The following NADK2 variants were observed in gnomAD, a reference collection of about 807,000 sequenced individuals.
NADK2 encodes NAD kinase 2, mitochondrial, also known as NAD kinase domain-containing protein 1, mitochondrial.
NADK2 carries 35 observed loss-of-function variants against 62.1 expected under a neutral mutation model. That is an observed-to-expected ratio of 0.56 (90% confidence interval 0.43 to 0.75). The LOEUF (loss-of-function observed/expected upper bound fraction) is 0.75. Among genes scored for constraint, NADK2 ranks in the 30% least tolerant of loss-of-function variants. The pLI is 0.00. For missense variants in NADK2, 439 were observed against 561.3 expected (o/e 0.78, Z 2.20); for synonymous variants, 205 against 207.9 (o/e 0.99, Z 0.12).
intron 4 of NADK2, among the ~76,000 whole-genome samples, chr5:36,220,499 A>C (rs377623528): frequency 1.2e-4 from 19 of 152,230 alleles, no homozygotes; most frequent in African/African-American, 4.3e-4. Flanking sequence ...AATGTAAATC[A>C]ACTTGTAAGC....
At chr5:36,198,993 C>G (rs1579595154) in intron 10 of NADK2, among the ~76,000 whole-genome samples, 1 of 150,324 alleles carries the variant, frequency 6.7e-6, no homozygotes, top group Non-Finnish European at 1.5e-5. Flanking sequence ...TAGGTGGGAA[C>G]TGAACAATGA....
intron 10 of NADK2, among the ~76,000 whole-genome samples, chr5:36,198,741 A>G (rs1746327563): frequency 6.6e-6 from 1 of 151,582 alleles, no homozygotes; most frequent in Admixed American, 6.6e-5. Flanking sequence ...TTCCTTTGAT[A>G]CAGATTTACT....
chr5:36,200,138 A>T, intron 10 of NADK2, 89 bp downstream of exon 10: 1 of 852,344 alleles, frequency 1.2e-6, no homozygotes, highest in Non-Finnish European at 1.7e-6. Context: ...AAAAAAAAGT[A>T]CTTTGCTAAT....
chr5:36,229,919 C>T (rs575816574), intron 1 of NADK2, among the ~76,000 whole-genome samples: 6 of 151,328 alleles, frequency 4.0e-5, no homozygotes, highest in Non-Finnish European at 4.4e-5. Context: ...GAGTCACAGC[C>T]GATGCCTCCT....
chr5:36,223,201 C>T (rs1343913498), intron 4 of NADK2, among the ~76,000 whole-genome samples: 1 of 151,940 alleles, frequency 6.6e-6, no homozygotes, highest in Non-Finnish European at 1.5e-5. Flanking sequence ...GTAGATTTTA[C>T]CCTAAGTTAG....
intron 1 of NADK2, among the ~76,000 whole-genome samples, chr5:36,229,570 C>T (rs1379581063): frequency 1.3e-5 from 2 of 151,822 alleles, no homozygotes; most frequent in Non-Finnish European, 2.9e-5. Flanking sequence ...ACGGCACTAA[C>T]CACCTCTCAG....
chr5:36,233,955 G>A lies in NADK2; in HGVS notation c.301-6390C>T, dbSNP rs563867982. Among the ~76,000 whole-genome samples, 59 of 152,272 alleles carry A rather than the reference G, an allele frequency of 3.9e-4. 1 individual carries two copies. Among genetic ancestry groups the A allele is most frequent in the South Asian group, 1.2e-3 (6 of 4,824 alleles). On this transcript the variant is annotated intron_variant, in intron 1 of 11. Transcript: ENST00000381937. ...AAAATGTTAAAGTCTACTAAGTGCT[G>A]TTCAGGAACCCACTAAATGCTTATG...
Position 36,241,831 on chromosome 5 carries a change from C to A in NADK2, c.-33G>T, listed in dbSNP as rs1367740039. 1 of 1,267,692 alleles carries A rather than the reference C, an allele frequency of 7.9e-7. No individual in the cohort carries two copies. Among genetic ancestry groups the A allele is most frequent in the Non-Finnish European group, 9.9e-7 (1 of 1,007,974 alleles). The allele number at this position is 1,267,692 out of a possible 1,614,324, so 78.5% of individuals were successfully genotyped here. A position where few individuals can be genotyped will look rare whatever the true frequency, so the allele number is the denominator to read the frequency against. ...CGGGCCGCGGCCGCGGGCTTGGGCT[C>A]GGGCCCCTTGCCTCAGCTCCCTACC... On this transcript the variant is annotated 5_prime_UTR_variant, in exon 1 of 12. Transcript: ENST00000381937. This position sits in a 1 kb window ranked among gnomAD's most constrained non-coding sequence, Gnocchi z 4.9.
intron 8 of NADK2, among the ~76,000 whole-genome samples, chr5:36,203,389 A>G (rs900289686): frequency 3.3e-5 from 5 of 152,064 alleles, no homozygotes; most frequent in African/African-American, 9.7e-5. Flanking sequence ...TTTGAAGCAA[A>G]AAGGACAAAA....
chr5:36,218,162 T>C, intron 5 of NADK2: 1 of 270,946 alleles, frequency 3.7e-6, no homozygotes, highest in South Asian at 6.8e-5. Flanking sequence ...ACCCATAAAG[T>C]CCAAGATACT....
At position 36,207,128 on chromosome 5, in the gene NADK2, G is replaced by A. The variant is rs769564786; in HGVS notation, c.956+42C>T. On this transcript the variant is annotated intron_variant, in intron 8 of 11. Transcript: ENST00000381937. ...GGGCCAAAATATTACATTACTAAAA[G>A]TATTTCACAAAACTTGATAAGCAAC... The A allele has an allele frequency of 2.7e-6, 4 of 1,505,956 alleles. No individual in the cohort carries two copies. The African/African-American group carries it at 5.5e-5, about 21-fold the overall frequency. The allele number at this position is 1,505,956 out of a possible 1,614,324, so 93.3% of individuals were successfully genotyped here.
intron 4 of NADK2, among the ~76,000 whole-genome samples, chr5:36,220,869 C>T (rs991556614): frequency 5.9e-5 from 9 of 152,176 alleles, no homozygotes; most frequent in African/African-American, 2.2e-4. Flanking sequence ...GGCAGGAGGC[C>T]TCAATCACCC....
chr5:36,226,427 A>T, intron 3 of NADK2, 48 bp downstream of exon 3: 1 of 1,428,322 alleles, frequency 7.0e-7, no homozygotes, highest in Non-Finnish European at 9.9e-7. Context: ...AATAATGTGT[A>T]TTAAACATTT....
At chr5:36,197,168 T>C (rs1044838001) in intron 11 of NADK2, among the ~76,000 whole-genome samples, 10 of 152,210 alleles carry the variant, frequency 6.6e-5, no homozygotes, top group Admixed American at 4.6e-4. Flanking sequence ...CTATGCAATC[T>C]AAGTTTTCTA....
At position 36,192,747 on chromosome 5, in the gene NADK2, C is replaced by G. The variant is rs373357771; in HGVS notation, c.*2397G>C. On this transcript the variant is annotated 3_prime_UTR_variant, in exon 12 of 12. Transcript: ENST00000381937. ...CTAATCATTCTATGTCAAATGTTAA[C>G]AGTGAATGAAGTCAACAGGGCACAG... 1 of 152,306 alleles carries G rather than the reference C, an allele frequency of 6.6e-6. No individual in the cohort carries two copies. The highest frequency in any genetic ancestry group is 6.5e-5 in the Admixed American group (1 of 15,300). The allele number at this position is 152,306 out of a possible 1,614,324, so 9.4% of individuals were successfully genotyped here.
At chr5:36,206,465 C>A (rs1193095078) in intron 8 of NADK2, among the ~76,000 whole-genome samples, 2 of 148,072 alleles carry the variant, frequency 1.4e-5, no homozygotes, top group East Asian at 3.9e-4. Context: ...TTCAGAAGTA[C>A]AATTAATAGG....
chr5:36,206,064 G>A lies in NADK2; in HGVS notation c.956+1106C>T, dbSNP rs188645226. On this transcript the variant is annotated intron_variant, in intron 8 of 11. Coordinates refer to ENST00000381937, the MANE Select transcript of NADK2 (RefSeq NM_001085411.3). ...AAGGACAGAAAACCAAACACCGCATGTTCTCACTCATAAGTAGGAGCTGAA... is the reference window on the plus strand; with the variant it reads ...AAGGACAGAAAACCAAACACCGCATATTCTCACTCATAAGTAGGAGCTGAA... 3.2e-3 allele frequency among the ~76,000 whole-genome samples: 485 copies of A among 152,154 alleles called. 3 individuals carry two copies. Among genetic ancestry groups the A allele is most frequent in the East Asian group, 0.014 (72 of 5,168 alleles).
chr5:36,238,551 T>G (rs1027903865), intron 1 of NADK2, among the ~76,000 whole-genome samples: 4 of 152,178 alleles, frequency 2.6e-5, no homozygotes, highest in African/African-American at 9.7e-5. Flanking sequence ...TTTTGACCAA[T>G]GAGGTATGTT....
intron 11 of NADK2, among the ~76,000 whole-genome samples, chr5:36,196,604 T>C (rs748416527): frequency 1.3e-5 from 2 of 152,176 alleles, no homozygotes; most frequent in Non-Finnish European, 2.9e-5. Context: ...ATCTTTGGAT[T>C]ACTGGCAGTT....
Sources: allele counts gnomAD v4.1 joint callset (sites outside exome capture counted in the v4.1 genomes callset), GRCh38; gene constraint gnomAD v4.1.1; non-coding constraint Gnocchi (gnomAD v3.1); transcripts MANE v1.5; gene names NCBI Gene and HGNC (gene_info 2026-07-23, HGNC 2026-07-21).